Variants in L3MBTL4 observed in about 807,000 individuals in gnomAD.
L3MBTL4 encodes L3MBTL histone methyl-lysine binding protein 4.
In L3MBTL4, 70 loss-of-function variants were observed where a neutral mutation model predicts 84.5. That is an observed-to-expected ratio of 0.83 (90% CI 0.68 to 1.01). The LOEUF (loss-of-function observed/expected upper bound fraction) is 1.01, where lower values mean the gene tolerates loss of function less well. Ranked by LOEUF, L3MBTL4 falls within the 50% of genes least tolerant of loss-of-function variation. The probability of loss-of-function intolerance (pLI) is 0.00; values close to 1 mark genes in which losing one functional copy is unlikely to be tolerated. For missense variants in L3MBTL4, 715 were observed against 754.8 expected, an observed-to-expected ratio of 0.95 and a Z score of 0.62; for synonymous variants, 274 against 259.8, an observed-to-expected ratio of 1.05 and a Z score of -0.52.
At chr18:6,283,446 A>G (rs1352446890) in intron 4 of L3MBTL4, among the ~76,000 whole-genome samples, 1 of 152,208 alleles carries the variant, frequency 6.6e-6, no homozygotes, top group Non-Finnish European at 1.5e-5. Flanking sequence ...AAAGAAAAAT[A>G]AGTTCTTTCC....
chr18:6,209,602 G>A (rs1173488665), intron 12 of L3MBTL4, among the ~76,000 whole-genome samples: 1 of 152,062 alleles, frequency 6.6e-6, no homozygotes, highest in Admixed American at 6.6e-5. Flanking sequence ...CTCAAAATCT[G>A]AAATATAGAG....
chr18:6,009,816 A>AT (rs2054654856), intron 16 of L3MBTL4, among the ~76,000 whole-genome samples: 1 of 152,198 alleles, frequency 6.6e-6, no homozygotes, highest in South Asian at 2.1e-4. Context: ...CTTCCTGTAA[A>AT]TGTGTGTGAG....
intron 12 of L3MBTL4, among the ~76,000 whole-genome samples, chr18:6,196,432 C>T (rs1015683208): frequency 6.6e-6 from 1 of 152,190 alleles, no homozygotes; most frequent in Non-Finnish European, 1.5e-5. Context: ...GCTGGGATTA[C>T]AGGCATGAGC....
chr18:6,378,076 G>A (rs950319150), intron 1 of L3MBTL4, among the ~76,000 whole-genome samples: 9 of 152,296 alleles, frequency 5.9e-5, no homozygotes, highest in Non-Finnish European at 8.8e-5. Flanking sequence ...GACCAGTGAC[G>A]ATGAGCATTT....
At chr18:6,258,453 C>T (rs867721475) in intron 5 of L3MBTL4, among the ~76,000 whole-genome samples, 10 of 152,064 alleles carry the variant, frequency 6.6e-5, no homozygotes, top group South Asian at 2.1e-4. Flanking sequence ...AGGGAGGCAA[C>T]GGACTGAAGA....
chr18:6,158,074 G>C (rs2043173666), intron 13 of L3MBTL4, among the ~76,000 whole-genome samples: 1 of 152,218 alleles, frequency 6.6e-6, no homozygotes, highest in Non-Finnish European at 1.5e-5. Flanking sequence ...GGCCTCTACA[G>C]ATGCATGTTG....
chr18:6,003,050 A>T (rs939416500), intron 16 of L3MBTL4, among the ~76,000 whole-genome samples: 7 of 115,584 alleles, frequency 6.1e-5, no homozygotes, highest in Non-Finnish European at 8.8e-5. Flanking sequence ...GATACTATAT[A>T]AAATATAGTA....
chr18:5,991,766 T>C (rs1282027453), intron 16 of L3MBTL4, among the ~76,000 whole-genome samples: 1 of 152,154 alleles, frequency 6.6e-6, no homozygotes, highest in African/African-American at 2.4e-5. Context: ...GATACTTCTG[T>C]TCTGTGGAGT....
rs1212763238 is a variant in L3MBTL4, at chr18:6,034,807, C to A, written c.1444+46074G>T. ...TATTTCTCCACATCCTCTCCAGCAC[C>A]TGTTGTTTCCTGACTTTTTAATGAT... On this transcript the variant is annotated intron_variant, in intron 16 of 18. Coordinates refer to ENST00000317931, the MANE Select transcript of L3MBTL4 (RefSeq NM_001330559.2). 2.0e-5 allele frequency among the ~76,000 whole-genome samples: 3 copies of A among 150,052 alleles called. No homozygotes were observed. The South Asian group carries it at 6.4e-4, about 32-fold the overall frequency.
chr18:6,101,082 A>C (rs1356803709), intron 14 of L3MBTL4, among the ~76,000 whole-genome samples: 1 of 152,150 alleles, frequency 6.6e-6, no homozygotes, highest in Non-Finnish European at 1.5e-5. Flanking sequence ...TGGTCAGAGA[A>C]AGGTGGTTAT....
At chr18:6,407,242 A>G (rs1161155894) in intron 1 of L3MBTL4, among the ~76,000 whole-genome samples, 1 of 152,254 alleles carries the variant, frequency 6.6e-6, no homozygotes, top group Non-Finnish European at 1.5e-5. Flanking sequence ...AGACCACAGC[A>G]ACTGCTGAAG....
intron 5 of L3MBTL4, among the ~76,000 whole-genome samples, chr18:6,252,521 G>A (rs986399892): frequency 2.0e-5 from 3 of 152,112 alleles, no homozygotes; most frequent in African/African-American, 2.4e-5. Context: ...ATTTTGAGTG[G>A]TTCATCTAGA....
At position 6,119,055 on chromosome 18, in the gene L3MBTL4, T is replaced by C. The variant is rs1386830985; in HGVS notation, c.1199+19139A>G. On this transcript the variant is annotated intron_variant, in intron 14 of 18. Coordinates refer to ENST00000317931, the MANE Select transcript of L3MBTL4 (RefSeq NM_001330559.2). ...TATCCCTCCCTTCAAAGAGCTTCCT[T>C]TGCAAGGCTGAGTCCACCTCTGCTG... Among the ~76,000 whole-genome samples, 11 of 150,348 alleles carry C rather than the reference T, an allele frequency of 7.3e-5. No individual in the cohort carries two copies. In the South Asian group the frequency reaches 2.4e-3, roughly 32 times the overall value.
intron 5 of L3MBTL4, among the ~76,000 whole-genome samples, chr18:6,252,351 C>T (rs1005758158): frequency 3.9e-5 from 6 of 151,958 alleles, no homozygotes; most frequent in Non-Finnish European, 8.8e-5. Context: ...CTGCATCTGC[C>T]GAGGCAGAAT....
intron 16 of L3MBTL4, among the ~76,000 whole-genome samples, chr18:5,985,245 A>C (rs959421693): frequency 1.3e-5 from 2 of 152,262 alleles, no homozygotes; most frequent in African/African-American, 2.4e-5. Context: ...CTAGGGAATC[A>C]GTGGGAAACC....
intron 14 of L3MBTL4, among the ~76,000 whole-genome samples, chr18:6,097,448 C>T (rs28626977): frequency 0.23 from 35,463 of 152,046 alleles, 6,334 homozygotes; most frequent in African/African-American, 0.51. Context: ...AAAGCAGCAA[C>T]ACTGAGCCCC....
intron 18 of L3MBTL4, 58 bp from the exon 19 acceptor site, chr18:5,956,445 C>A: frequency 6.6e-7 from 1 of 1,524,206 alleles, no homozygotes; most frequent in Non-Finnish European, 9.0e-7. Flanking sequence ...CCTGTTTACT[C>A]ACCAGTAACA....
At chr18:6,044,395 G>T (rs950052572) in intron 16 of L3MBTL4, among the ~76,000 whole-genome samples, 1 of 152,158 alleles carries the variant, frequency 6.6e-6, no homozygotes, top group Non-Finnish European at 1.5e-5. Flanking sequence ...GTGGGGAACT[G>T]CCCTATCTAT....
intron 1 of L3MBTL4, among the ~76,000 whole-genome samples, chr18:6,318,554 A>G: frequency 6.6e-6 from 1 of 151,018 alleles, no homozygotes; most frequent in African/African-American, 2.4e-5. Flanking sequence ...ATAATAATAA[A>G]AGGATCAATC....
Sources: gnomAD v4.1 joint callset for allele counts (sites outside exome capture counted in the v4.1 genomes callset) on GRCh38, gnomAD v4.1.1 for gene constraint, MANE v1.5 for transcripts, NCBI Gene and HGNC (gene_info 2026-07-23, HGNC 2026-07-21) for gene names.